The following LRRTM3 variants were observed in gnomAD, a reference collection of about 807,000 sequenced individuals.
LRRTM3 encodes the protein leucine-rich repeat transmembrane neuronal protein 3.
LRRTM3 carries 24 observed loss-of-function variants against 44.7 expected under a neutral mutation model. That is an observed-to-expected ratio of 0.54 (90% CI 0.39 to 0.76). LRRTM3 has a LOEUF of 0.76. Among genes scored for constraint, LRRTM3 ranks in the 30% least tolerant of loss-of-function variants. The probability of loss-of-function intolerance (pLI) is 0.00; values close to 1 mark genes in which losing one functional copy is unlikely to be tolerated. For missense variants in LRRTM3, 587 were observed against 702.2 expected (o/e 0.84, Z 1.85); for synonymous variants, 277 against 278.7 (o/e 0.99, Z 0.06).
At chr10:67,025,364 A>T (rs1407983886) in intron 2 of LRRTM3, among the ~76,000 whole-genome samples, 2 of 151,744 alleles carry the variant, frequency 1.3e-5, no homozygotes, top group East Asian at 3.9e-4. Flanking sequence ...AACTAAAAAC[A>T]TGGTTTTGTA....
In LRRTM3 at chr10:66,926,993, T is replaced by C; in HGVS notation, c.77T>C (p.Met26Thr). The C allele has an allele frequency of 6.2e-7, 1 of 1,614,172 alleles. No individual in the cohort carries two copies. The highest frequency in any genetic ancestry group is 8.5e-7 in the Non-Finnish European group (1 of 1,180,036). ...ATAGCCCCCACTGTCTTACTGACAA[T>C]GCTTTCTTCTGCCGAACGAGGATGC... ...LVIAPTVLLT[M>T]LSSAERGCPK... The change falls in exon 2 of 3, where the codon ATG becomes ACG. Residue 26 changes from methionine to threonine, a missense_variant. This residue lies in a region of LRRTM3 where 50 missense variants were observed against 43.4 expected (regional missense o/e 1.15). Coordinates refer to ENST00000361320, the MANE Select transcript of LRRTM3 (RefSeq NM_178011.5).
chr10:67,079,344 C>T (rs1458245973), intron 2 of LRRTM3, among the ~76,000 whole-genome samples: 3 of 152,188 alleles, frequency 2.0e-5, no homozygotes, highest in African/African-American at 7.2e-5. Flanking sequence ...TTCTCTGCCA[C>T]AGTTGCAGAA....
intron 2 of LRRTM3, among the ~76,000 whole-genome samples, chr10:67,044,246 G>T (rs2133158433): frequency 6.6e-6 from 1 of 152,180 alleles, no homozygotes; most frequent in South Asian, 2.1e-4. Context: ...TTTTCAAGGA[G>T]ATCAGAAATC....
chr10:66,987,372 T>C (rs1488683810), intron 2 of LRRTM3, among the ~76,000 whole-genome samples: 3 of 152,190 alleles, frequency 2.0e-5, no homozygotes, highest in Non-Finnish European at 4.4e-5. Context: ...TGTGGACTTA[T>C]ATTTGAAGGT....
chr10:66,960,597 A>G (rs1849055448), intron 2 of LRRTM3, among the ~76,000 whole-genome samples: 1 of 152,336 alleles, frequency 6.6e-6, no homozygotes, highest in African/African-American at 2.4e-5. Flanking sequence ...AAAACAGAAG[A>G]CATTTGTTAA....
intron 2 of LRRTM3, among the ~76,000 whole-genome samples, chr10:67,080,777 C>T (rs1589710572): frequency 6.6e-6 from 1 of 151,844 alleles, no homozygotes; most frequent in Non-Finnish European, 1.5e-5. Flanking sequence ...GGCGTGGTGG[C>T]GGGCGCCTGT....
intron 2 of LRRTM3, among the ~76,000 whole-genome samples, chr10:67,037,740 G>A (rs1389938975): frequency 6.6e-6 from 1 of 152,158 alleles, no homozygotes; most frequent in Non-Finnish European, 1.5e-5. Context: ...TGTGAGAGGA[G>A]GAGGAATCAA....
chr10:66,929,067 C>A (rs1847229537), intron 2 of LRRTM3, among the ~76,000 whole-genome samples: 1 of 152,270 alleles, frequency 6.6e-6, no homozygotes, highest in East Asian at 1.9e-4. Flanking sequence ...AAGGCAAGCA[C>A]AGGGACAAAG....
chr10:67,012,169 C>A (rs949386907), intron 2 of LRRTM3: 3 of 152,196 alleles, frequency 2.0e-5, no homozygotes, highest in African/African-American at 7.2e-5. Flanking sequence ...AAGGGGAAAA[C>A]CCTACAGTGT....
chr10:67,070,400 T>C (rs145536704), intron 2 of LRRTM3, among the ~76,000 whole-genome samples: 208 of 152,304 alleles, frequency 1.4e-3, no homozygotes, highest in African/African-American at 4.8e-3. Flanking sequence ...TTCTTAGTTT[T>C]AATATAAACC....
At chr10:67,060,056 C>T (rs1338507488) in intron 2 of LRRTM3, among the ~76,000 whole-genome samples, 1 of 152,124 alleles carries the variant, frequency 6.6e-6, no homozygotes, top group East Asian at 1.9e-4. Context: ...TGACTCACAC[C>T]TGTAATCCCA....
intron 2 of LRRTM3, among the ~76,000 whole-genome samples, chr10:66,960,884 C>A (rs1849072109): frequency 6.6e-6 from 1 of 152,094 alleles, no homozygotes; most frequent in Non-Finnish European, 1.5e-5. Flanking sequence ...CTGTAGAAAT[C>A]TTGAGAGTGA....
At chr10:67,081,166 T>C (rs925085724) in intron 2 of LRRTM3, among the ~76,000 whole-genome samples, 17 of 152,178 alleles carry the variant, frequency 1.1e-4, no homozygotes, top group African/African-American at 4.1e-4. Flanking sequence ...ATCAATTTGA[T>C]TGCATCTCAA....
intron 2 of LRRTM3, among the ~76,000 whole-genome samples, chr10:66,951,848 C>G (rs573460025): frequency 6.6e-6 from 1 of 152,122 alleles, no homozygotes; most frequent in Non-Finnish European, 1.5e-5. Flanking sequence ...TCTCACCTGG[C>G]CTGATTAAGT....
At chr10:67,055,544 C>A (rs760485825) in intron 2 of LRRTM3, among the ~76,000 whole-genome samples, 1 of 152,092 alleles carries the variant, frequency 6.6e-6, no homozygotes, top group Non-Finnish European at 1.5e-5. Flanking sequence ...CATTTGCAGG[C>A]TAGAAAGTTA....
In LRRTM3 at chr10:67,097,906, C is replaced by T. The variant is rs1428004398; in HGVS notation, c.*110C>T. On this transcript the variant is annotated 3_prime_UTR_variant, in exon 3 of 3. Coordinates refer to ENST00000361320, the MANE Select transcript of LRRTM3 (RefSeq NM_178011.5). ...AAAAACAAAACAAAACACAAAATCC[C>T]CTGTTCAAATAAACAAAAAATCCAA... The T allele has an allele frequency of 2.2e-6, 2 of 922,340 alleles. No homozygotes were observed. The highest frequency in any genetic ancestry group is 3.3e-6 in the Non-Finnish European group (2 of 604,272). The allele number at this position is 922,340 out of a possible 1,614,324, so 57.1% of individuals were successfully genotyped here.
intron 2 of LRRTM3, among the ~76,000 whole-genome samples, chr10:67,058,515 T>G (rs898473842): frequency 5.3e-5 from 8 of 152,292 alleles, no homozygotes; most frequent in Middle Eastern, 3.4e-3. Context: ...CTTTGGCCCT[T>G]TCTCCACTAT....
At chr10:66,981,008 G>T (rs1374639941) in intron 2 of LRRTM3, among the ~76,000 whole-genome samples, 6 of 152,128 alleles carry the variant, frequency 3.9e-5, no homozygotes, top group Non-Finnish European at 8.8e-5. Flanking sequence ...CCGGGTTCAA[G>T]TGATTCTCTT....
intron 2 of LRRTM3, among the ~76,000 whole-genome samples, chr10:66,998,157 C>T (rs759375398): frequency 2.9e-4 from 44 of 152,200 alleles, no homozygotes; most frequent in East Asian, 9.6e-4. Flanking sequence ...CCTAACACGG[C>T]ATTTTAGCAC....
Sources: gnomAD v4.1 joint callset for allele counts (sites outside exome capture counted in the v4.1 genomes callset) on GRCh38, gnomAD v4.1.1 for gene constraint, gnomAD v4.1.1 regional missense constraint, MANE v1.5 for transcripts, NCBI Gene and HGNC (gene_info 2026-07-23, HGNC 2026-07-21) for gene names.